The following NCKAP5 variants were observed in gnomAD, a reference collection of about 807,000 sequenced individuals.
NCKAP5 encodes the protein NCK associated protein 5.
Under a neutral mutation model 167.0 loss-of-function variants are expected in NCKAP5, and 92 were observed. The ratio of observed to expected loss-of-function variants is 0.55; its 90% confidence interval spans 0.47 to 0.66. The LOEUF is 0.66. Among genes scored for constraint, NCKAP5 ranks in the 30% least tolerant of loss-of-function variants. The probability of loss-of-function intolerance (pLI) is 0.00; values close to 1 mark genes in which losing one functional copy is unlikely to be tolerated. For missense variants in NCKAP5, 2,378 were observed against 2,315.0 expected (o/e 1.03, Z -0.56); for synonymous variants, 891 against 877.4 (o/e 1.02, Z -0.27).
intron 6 of NCKAP5, among the ~76,000 whole-genome samples, chr2:133,079,870 T>A (rs1462435307): frequency 6.6e-6 from 1 of 152,188 alleles, no homozygotes; most frequent in African/African-American, 2.4e-5. Context: ...TTGTAGAATA[T>A]TCTGTCATAC....
intron 9 of NCKAP5, among the ~76,000 whole-genome samples, chr2:132,872,019 A>C (rs554692338): frequency 1.8e-4 from 27 of 152,336 alleles, no homozygotes; most frequent in African/African-American, 6.3e-4. Context: ...TTGGGTTGCA[A>C]ATAATCACAC....
intron 5 of NCKAP5, among the ~76,000 whole-genome samples, chr2:133,148,870 G>A (rs899080827): frequency 1.3e-5 from 2 of 151,998 alleles, no homozygotes; most frequent in African/African-American, 2.4e-5. Flanking sequence ...TTCAACATTC[G>A]AATTTTGGGA....
intron 5 of NCKAP5, among the ~76,000 whole-genome samples, chr2:133,172,649 TTG>T: frequency 6.6e-6 from 1 of 151,730 alleles, no homozygotes; most frequent in Non-Finnish European, 1.5e-5. Flanking sequence ...CGTTTTTTTT[TTG>T]TTGTTGTTGT....
At chr2:132,861,139 TTTAAAAGGCCAC>T (rs1689877986) in intron 10 of NCKAP5, among the ~76,000 whole-genome samples, 1 of 152,142 alleles carries the variant, frequency 6.6e-6, no homozygotes, top group Non-Finnish European at 1.5e-5. Context: ...AGAGATGGCT[TTTAAAAGGCCAC>T]TTGCCACTTG....
intron 6 of NCKAP5, among the ~76,000 whole-genome samples, chr2:133,008,512 T>A (rs1359721609): frequency 2.0e-5 from 3 of 152,168 alleles, no homozygotes; most frequent in Non-Finnish European, 4.4e-5. Context: ...TGCAAAAAAC[T>A]TTATAACCTT....
chr2:133,618,750 T>C, the NCKAP5 span, among the ~76,000 whole-genome samples: 1 of 149,652 alleles, frequency 6.7e-6, no homozygotes, highest in Non-Finnish European at 1.5e-5. Context: ...AGTGTGGCGA[T>C]TCCTCAGGGA....
At chr2:132,766,440 A>G (rs1296189691) in intron 16 of NCKAP5, among the ~76,000 whole-genome samples, 1 of 152,116 alleles carries the variant, frequency 6.6e-6, no homozygotes, top group Non-Finnish European at 1.5e-5. Context: ...TCTTATTTAA[A>G]CCATGGCACT....
At chr2:132,835,697 T>C (rs1210407602) in intron 11 of NCKAP5, among the ~76,000 whole-genome samples, 1 of 152,184 alleles carries the variant, frequency 6.6e-6, no homozygotes, top group Non-Finnish European at 1.5e-5. Flanking sequence ...ATCATAGCAC[T>C]ATTCTCAATT....
chr2:132,819,160 T>C (rs1238409087), intron 11 of NCKAP5, among the ~76,000 whole-genome samples: 1 of 152,196 alleles, frequency 6.6e-6, no homozygotes, highest in African/African-American at 2.4e-5. Flanking sequence ...CTCTGTCTTA[T>C]GTTGCATATG....
intron 6 of NCKAP5, among the ~76,000 whole-genome samples, chr2:133,035,725 T>C (rs2079020094): frequency 6.6e-6 from 1 of 151,130 alleles, no homozygotes; most frequent in Non-Finnish European, 1.5e-5. Flanking sequence ...TGGCTATGTC[T>C]AAAAAGAAAA....
chr2:133,648,854 A>T, the NCKAP5 span, among the ~76,000 whole-genome samples: 2,071 of 151,972 alleles, frequency 0.014, 52 homozygotes, highest in African/African-American at 0.047. Flanking sequence ...GGAATTAAAA[A>T]AAAAAAAGTC....
In NCKAP5 at chr2:133,340,032, A is replaced by G. The variant is rs547245192; in HGVS notation, c.70-36922T>C. Among the ~76,000 whole-genome samples, 15 of 152,310 alleles carry G rather than the reference A, an allele frequency of 9.8e-5. No homozygotes were observed. The South Asian group carries it at 3.1e-3, about 32-fold the overall frequency. ...AAGCAAACTTCCACTCTTGTGCCCTACAGACACTCTCTTCACTGGAGTTCT... is the reference window on the plus strand; with the variant it reads ...AAGCAAACTTCCACTCTTGTGCCCTGCAGACACTCTCTTCACTGGAGTTCT... On this transcript the variant is annotated intron_variant, in intron 3 of 19. Transcript: ENST00000409261.
At chr2:133,242,002 C>A (rs1261316416) in intron 4 of NCKAP5, among the ~76,000 whole-genome samples, 1 of 151,118 alleles carries the variant, frequency 6.6e-6, no homozygotes, top group East Asian at 2.0e-4. Context: ...CCTGTAATCC[C>A]AGCTACTCAG....
At chr2:133,256,564 C>G (rs1217621669) in intron 4 of NCKAP5, among the ~76,000 whole-genome samples, 2 of 152,160 alleles carry the variant, frequency 1.3e-5, no homozygotes, top group African/African-American at 4.8e-5. Context: ...AATATTCTCA[C>G]AAGCATACAC....
intron 8 of NCKAP5, among the ~76,000 whole-genome samples, chr2:132,909,083 A>C (rs560030878): frequency 6.6e-6 from 1 of 152,362 alleles, no homozygotes; most frequent in South Asian, 2.1e-4. Context: ...GCGGTGGCTC[A>C]TGCCTGTAAT....
At chr2:132,690,631 G>A (rs1686610398) in intron 19 of NCKAP5, among the ~76,000 whole-genome samples, 1 of 152,126 alleles carries the variant, frequency 6.6e-6, no homozygotes, top group Non-Finnish European at 1.5e-5. Context: ...CTTTAAGCAA[G>A]GACTTACTGT....
chr2:132,700,539 A>T (rs1687779558), intron 19 of NCKAP5, among the ~76,000 whole-genome samples: 1 of 152,198 alleles, frequency 6.6e-6, no homozygotes, highest in Non-Finnish European at 1.5e-5. Context: ...AGCTTTCTAC[A>T]TATGGCTAGC....
At chr2:133,195,124 C>T (rs562062609) in intron 5 of NCKAP5, among the ~76,000 whole-genome samples, 11 of 152,078 alleles carry the variant, frequency 7.2e-5, no homozygotes, top group South Asian at 2.1e-4. Context: ...AGTAAAAAGC[C>T]GCCTCACTTA....
At chr2:132,900,977 GAAAAA>G (rs58885401) in intron 8 of NCKAP5, among the ~76,000 whole-genome samples, 1 of 98,670 alleles carries the variant, frequency 1.0e-5, no homozygotes, top group Non-Finnish European at 2.1e-5. Context: ...AAAAAAAAAA[GAAAAA>G]AAAAAAAAAA....
Sources: allele counts gnomAD v4.1 joint callset (sites outside exome capture counted in the v4.1 genomes callset), GRCh38; gene constraint gnomAD v4.1.1; transcripts MANE v1.5; gene names NCBI Gene and HGNC (gene_info 2026-07-23, HGNC 2026-07-21).